KCNK13: variants seen among roughly 807,000 people sequenced by gnomAD.
KCNK13 encodes the protein potassium channel subfamily K member 13.
In KCNK13, 12 loss-of-function variants were observed where a neutral mutation model predicts 23.4. The observed-to-expected ratio is 0.51, with a 90% CI of 0.33 to 0.83. The LOEUF (loss-of-function observed/expected upper bound fraction) is 0.83. KCNK13 is among the 40% of genes least tolerant of loss of function. KCNK13 has a pLI of 0.02. For synonymous variants in KCNK13, 231 were observed against 229.5 expected, an observed-to-expected ratio of 1.01 and a Z score of -0.06; for missense variants, 463 against 556.3, an observed-to-expected ratio of 0.83 and a Z score of 1.69.
intron 1 of KCNK13, among the ~76,000 whole-genome samples, chr14:90,115,399 C>T (rs923437963): frequency 4.6e-5 from 7 of 152,142 alleles, no homozygotes; most frequent in Non-Finnish European, 1.5e-5. Context: ...CCGGGGGATC[C>T]CCAAGAAAAA....
At chr14:90,158,209 G>A (rs1890216497) in intron 1 of KCNK13, among the ~76,000 whole-genome samples, 1 of 152,212 alleles carries the variant, frequency 6.6e-6, no homozygotes, top group African/African-American at 2.4e-5. Context: ...CCTCCTGTGA[G>A]AAGCTGGTGA....
rs148468356 is a variant in KCNK13 at position 90,138,810 on chromosome 14, A to T, written c.335-45301A>T. On this transcript the variant is annotated intron_variant, in intron 1 of 1. Transcript: ENST00000282146. Reference sequence around the variant, plus strand: ...AGAGGGGAGTTTCTTTCCAATTTGCACAGATTGGTGCTATACCCACTAGTG... The same window carrying T: ...AGAGGGGAGTTTCTTTCCAATTTGCTCAGATTGGTGCTATACCCACTAGTG... Among the ~76,000 whole-genome samples the T allele has an allele frequency of 8.5e-3, 1,300 of 152,222 alleles. 11 individuals are homozygous for T. The highest frequency in any genetic ancestry group is 0.027 in the Middle Eastern group (8 of 294).
At chr14:90,179,931 C>T (rs576653197) in intron 1 of KCNK13, among the ~76,000 whole-genome samples, 8 of 152,324 alleles carry the variant, frequency 5.3e-5, no homozygotes, top group South Asian at 4.2e-4. Flanking sequence ...CCTGCCCCCC[C>T]TCTCCGGTTT....
intron 1 of KCNK13, among the ~76,000 whole-genome samples, chr14:90,094,548 A>G (rs1206270018): frequency 6.6e-6 from 1 of 152,166 alleles, no homozygotes; most frequent in Non-Finnish European, 1.5e-5. Context: ...GAAGGAGACA[A>G]GACTCAGTCC....
chr14:90,121,427 C>T (rs754837913), intron 1 of KCNK13, among the ~76,000 whole-genome samples: 6 of 152,102 alleles, frequency 3.9e-5, no homozygotes, highest in South Asian at 4.1e-4. Flanking sequence ...GTTGTTACGC[C>T]GTGGCAATGT....
At chr14:90,064,971 C>G (rs1328422802) in intron 1 of KCNK13, among the ~76,000 whole-genome samples, 34 of 152,022 alleles carry the variant, frequency 2.2e-4, no homozygotes, top group Admixed American at 2.2e-3. Flanking sequence ...ATAACACTCC[C>G]CCGTTATAGA....
At chr14:90,104,263 C>A (rs182348077) in intron 1 of KCNK13, among the ~76,000 whole-genome samples, 1 of 152,182 alleles carries the variant, frequency 6.6e-6, no homozygotes, top group East Asian at 1.9e-4. Context: ...CCTGTGAATG[C>A]CTTTTGGCCC....
At chr14:90,111,879 C>T (rs1476240811) in intron 1 of KCNK13, among the ~76,000 whole-genome samples, 1 of 152,178 alleles carries the variant, frequency 6.6e-6, no homozygotes, top group African/African-American at 2.4e-5. Context: ...GGCCCCACCT[C>T]TTCCACGCAT....
At chr14:90,144,445 G>T (rs1890050112) in intron 1 of KCNK13, among the ~76,000 whole-genome samples, 1 of 146,298 alleles carries the variant, frequency 6.8e-6, no homozygotes, top group African/African-American at 2.5e-5. Context: ...CCATTGAATT[G>T]TTTACATAGA....
intron 1 of KCNK13, among the ~76,000 whole-genome samples, chr14:90,108,973 G>T (rs1054566091): frequency 4.6e-5 from 7 of 152,070 alleles, no homozygotes; most frequent in African/African-American, 1.7e-4. Flanking sequence ...TCAGGAGATC[G>T]AGACCATCCT....
intron 1 of KCNK13, among the ~76,000 whole-genome samples, chr14:90,102,215 C>T (rs1184922744): frequency 1.3e-5 from 2 of 152,094 alleles, no homozygotes; most frequent in African/African-American, 4.8e-5. Context: ...GAAATCCCCC[C>T]ATTGAAATGG....
Position 90,104,443 on chromosome 14 carries a change from T to G in KCNK13, c.334+41904T>G, listed in dbSNP as rs1225930467. 2.0e-5 allele frequency among the ~76,000 whole-genome samples: 3 copies of G among 152,302 alleles called. No individual in the cohort carries two copies. In the South Asian group the frequency reaches 6.2e-4, roughly 32 times the overall value. ...AGAACACATTGTCTGGAGACCATTTTCTCTCTTGGCACAGCAGCACCCAGA... is the reference window on the plus strand; with the variant it reads ...AGAACACATTGTCTGGAGACCATTTGCTCTCTTGGCACAGCAGCACCCAGA... On this transcript the variant is annotated intron_variant, in intron 1 of 1. Transcript: ENST00000282146.
At chr14:90,130,763 G>T (rs910414896) in intron 1 of KCNK13, among the ~76,000 whole-genome samples, 7 of 152,158 alleles carry the variant, frequency 4.6e-5, no homozygotes, top group African/African-American at 1.7e-4. Context: ...GTGGTGAGCC[G>T]AGATCGCACC....
At chr14:90,095,740 C>T (rs1889403130) in intron 1 of KCNK13, among the ~76,000 whole-genome samples, 1 of 152,118 alleles carries the variant, frequency 6.6e-6, no homozygotes, top group Admixed American at 6.5e-5. Context: ...CAGCAAACAC[C>T]AGCTGGATGT....
chr14:90,111,527 C>A (rs559145694), intron 1 of KCNK13, among the ~76,000 whole-genome samples: 2 of 152,196 alleles, frequency 1.3e-5, no homozygotes, highest in Non-Finnish European at 2.9e-5. Flanking sequence ...TTCATTGATT[C>A]TAGTCTGGCA....
chr14:90,118,636 T>C (rs1311336018), intron 1 of KCNK13, among the ~76,000 whole-genome samples: 1 of 152,174 alleles, frequency 6.6e-6, no homozygotes, highest in African/African-American at 2.4e-5. Flanking sequence ...ATTGCTGGGT[T>C]ATATGATAAT....
At chr14:90,165,169 C>T (rs1302395858) in intron 1 of KCNK13, among the ~76,000 whole-genome samples, 1 of 152,166 alleles carries the variant, frequency 6.6e-6, no homozygotes, top group East Asian at 1.9e-4. Flanking sequence ...GACCCACTCC[C>T]ATGATTCAGT....
chr14:90,150,790 G>A lies in KCNK13; in HGVS notation c.335-33321G>A, dbSNP rs574871517. 1.4e-4 allele frequency among the ~76,000 whole-genome samples: 21 copies of A among 152,292 alleles called. 1 individual carries two copies. Among genetic ancestry groups the A allele is most frequent in the African/African-American group, 4.8e-4 (20 of 41,566 alleles). On this transcript the variant is annotated intron_variant, in intron 1 of 1. Coordinates refer to ENST00000282146, the MANE Select transcript of KCNK13 (RefSeq NM_022054.4). ...TCATGGGGGCTTTAGTGCTATTCTT[G>A]TGATAGAGATGAGATCTGGTTGCTT...
rs767699776 is a variant in KCNK13 at position 90,062,284 on chromosome 14, A to G, written c.79A>G (p.Ile27Val). The G allele has an allele frequency of 5.2e-6, 8 of 1,534,830 alleles. No homozygotes were observed. The highest frequency in any genetic ancestry group is 1.8e-5 in the Admixed American group (1 of 54,896). ...NARFLLLAAL[I>V]VLYLLGGAAV... ...GCGCTTTCTGCTGCTGGCCGCGCTC[A>G]TCGTGCTCTACCTGCTGGGCGGCGC... Residue 27 changes from isoleucine to valine, a missense_variant, in exon 1 of 2, where the codon ATC becomes GTC. This residue lies in a region of KCNK13 where 153 missense variants were observed against 153.6 expected (regional missense o/e 1.00). Coordinates refer to ENST00000282146, the MANE Select transcript of KCNK13 (RefSeq NM_022054.4). This position sits in a 1 kb window ranked among gnomAD's most constrained non-coding sequence, Gnocchi z 4.5.
Sources: allele counts gnomAD v4.1 joint callset (sites outside exome capture counted in the v4.1 genomes callset), GRCh38; gene constraint gnomAD v4.1.1; regional missense constraint gnomAD v4.1.1; non-coding constraint Gnocchi (gnomAD v3.1); transcripts MANE v1.5; gene names NCBI Gene and HGNC (gene_info 2026-07-23, HGNC 2026-07-21).